The following PRDM5 variants were observed in gnomAD, a reference collection of about 807,000 sequenced individuals.
PRDM5 encodes PR/SET domain 5, also known as PR domain zinc finger protein 5.
Under a neutral mutation model 81.2 loss-of-function variants are expected in PRDM5, and 56 were observed. The ratio of observed to expected loss-of-function variants is 0.69; its 90% CI spans 0.56 to 0.86. PRDM5 has a LOEUF of 0.86. PRDM5 is among the 40% of genes least tolerant of loss of function. PRDM5 has a pLI of 0.00. For missense variants in PRDM5, 697 were observed against 770.1 expected (o/e 0.91, Z 1.12); for synonymous variants, 267 against 256.4 (o/e 1.04, Z -0.39).
intron 1 of PRDM5, among the ~76,000 whole-genome samples, chr4:120,914,694 C>T (rs1723902478): frequency 6.6e-6 from 1 of 152,116 alleles, no homozygotes; most frequent in Admixed American, 6.5e-5. Flanking sequence ...ATCAAAAAGA[C>T]ACCTGCACAT....
intron 13 of PRDM5, among the ~76,000 whole-genome samples, chr4:120,767,897 C>A (rs1746619475): frequency 6.6e-6 from 1 of 152,250 alleles, no homozygotes; most frequent in South Asian, 2.1e-4. Context: ...AAGGGGAGTT[C>A]CCCTGCACAT....
At chr4:120,817,387 C>T (rs1358022918) in intron 5 of PRDM5, among the ~76,000 whole-genome samples, 1 of 151,926 alleles carries the variant, frequency 6.6e-6, no homozygotes, top group East Asian at 1.9e-4. Flanking sequence ...TTCAATGAAA[C>T]ACAAAAATGT....
At chr4:120,918,859 G>A (rs1724543119) in intron 1 of PRDM5, among the ~76,000 whole-genome samples, 1 of 152,038 alleles carries the variant, frequency 6.6e-6, no homozygotes, top group African/African-American at 2.4e-5. Flanking sequence ...ATTAGATGAT[G>A]TCTGTTAACT....
intron 2 of PRDM5, among the ~76,000 whole-genome samples, chr4:120,897,476 G>A (rs1020195188): frequency 1.3e-5 from 2 of 151,984 alleles, no homozygotes; most frequent in Non-Finnish European, 2.9e-5. Flanking sequence ...GGCTCATACA[G>A]CTTCCTCAAT....
chr4:120,799,558 T>C (rs1217506475), intron 9 of PRDM5, 103 bp downstream of exon 9: 3 of 1,504,488 alleles, frequency 2.0e-6, no homozygotes, highest in Non-Finnish European at 2.7e-6. Flanking sequence ...AAAGCAGAAT[T>C]CATAGCTAAG....
chr4:120,699,161 A>ATTTATAT (rs1560888990), intron 15 of PRDM5, among the ~76,000 whole-genome samples: 1 of 73,446 alleles, frequency 1.4e-5, no homozygotes, highest in Non-Finnish European at 2.9e-5. Flanking sequence ...AGGAAATATA[A>ATTTATAT]ATATATATAT....
Position 120,816,908 on chromosome 4 carries a change from C to A in PRDM5, c.667G>T (p.Ala223Ser), listed in dbSNP as rs1754595420. Reference sequence around the variant, plus strand: ...GAAGACTCCTTTAGACTGCTTTTCGCTGTGCACTGAAGAACACTAAAGGGA... The same window carrying A: ...GAAGACTCCTTTAGACTGCTTTTCGATGTGCACTGAAGAACACTAAAGGGA... ...ALQRHVLQCT[A>S]KSSLKESSRS... The change falls in exon 6 of 16, where the codon GCG (alanine) becomes TCG (serine). Residue 223 changes from alanine (A) to serine (S), a missense_variant. This residue lies in a region of PRDM5 where 577 missense variants were observed against 606.7 expected (regional missense o/e 0.95). Transcript: ENST00000264808. The A allele has an allele frequency of 1.2e-6, 2 of 1,612,846 alleles. No individual in the cohort carries two copies. Among genetic ancestry groups the A allele is most frequent in the Non-Finnish European group, 1.7e-6 (2 of 1,178,976 alleles).
chr4:120,736,107 G>A (rs961377238), intron 14 of PRDM5, among the ~76,000 whole-genome samples: 1 of 151,710 alleles, frequency 6.6e-6, no homozygotes, highest in African/African-American at 2.4e-5. Context: ...TTCTGTGTCT[G>A]GCTTGTTCCA....
chr4:120,697,848 C>A, intron 15 of PRDM5, among the ~76,000 whole-genome samples: 1 of 150,702 alleles, frequency 6.6e-6, no homozygotes, highest in African/African-American at 2.4e-5. Context: ...TACTTAAAGG[C>A]AAGAAGAAAC....
chr4:120,742,305 T>C (rs1278129928), intron 14 of PRDM5, among the ~76,000 whole-genome samples: 3 of 151,902 alleles, frequency 2.0e-5, no homozygotes, highest in East Asian at 3.9e-4. Flanking sequence ...AGACCAAAGG[T>C]AGATAAAACC....
At chr4:120,912,619 A>C (rs565117638) in intron 1 of PRDM5, among the ~76,000 whole-genome samples, 1 of 152,308 alleles carries the variant, frequency 6.6e-6, no homozygotes, top group Non-Finnish European at 1.5e-5. Context: ...AATTGGAGTA[A>C]TTTAAATATG....
chr4:120,710,213 A>T, intron 15 of PRDM5, 96 bp downstream of exon 15: 1 of 1,030,178 alleles, frequency 9.7e-7, no homozygotes, highest in Non-Finnish European at 1.5e-6. Flanking sequence ...TGCAACACAC[A>T]CACACAGACA....
chr4:120,843,229 G>T (rs763596618), intron 3 of PRDM5, among the ~76,000 whole-genome samples: 4 of 152,150 alleles, frequency 2.6e-5, no homozygotes, highest in Non-Finnish European at 5.9e-5. Flanking sequence ...AGCTACTCGG[G>T]AGGCTGAGGC....
chr4:120,842,689 TTTAAA>T (rs1047411107), intron 3 of PRDM5, among the ~76,000 whole-genome samples: 19 of 152,352 alleles, frequency 1.2e-4, no homozygotes, highest in Admixed American at 9.1e-4. Context: ...TTTTAAAATT[TTTAAA>T]TTAAACACTA....
intron 3 of PRDM5, among the ~76,000 whole-genome samples, chr4:120,825,810 T>C (rs919243870): frequency 2.0e-5 from 3 of 152,136 alleles, no homozygotes; most frequent in Non-Finnish European, 2.9e-5. Flanking sequence ...TGTTAACATG[T>C]TAAAGTGTTG....
chr4:120,763,142 T>C (rs1456801478), intron 13 of PRDM5, among the ~76,000 whole-genome samples: 1 of 152,058 alleles, frequency 6.6e-6, no homozygotes, highest in Non-Finnish European at 1.5e-5. Flanking sequence ...TCTGAAGAGA[T>C]GCCAACTCAA....
chr4:120,789,126 C>T (rs72921545), intron 10 of PRDM5, among the ~76,000 whole-genome samples: 2,519 of 152,270 alleles, frequency 0.017, 68 homozygotes, highest in African/African-American at 0.057. Flanking sequence ...TCACTGATGA[C>T]ACTAACATCT....
chr4:120,704,825 A>G (rs886687506), intron 15 of PRDM5, among the ~76,000 whole-genome samples: 9 of 152,162 alleles, frequency 5.9e-5, no homozygotes, highest in African/African-American at 1.9e-4. Flanking sequence ...AAGCGGGGGA[A>G]TGATATGACA....
At chr4:120,893,474 C>T (rs1221464784) in intron 2 of PRDM5, among the ~76,000 whole-genome samples, 1 of 152,194 alleles carries the variant, frequency 6.6e-6, no homozygotes, top group Non-Finnish European at 1.5e-5. Context: ...AAGACTGCAT[C>T]TTTTGATGCA....
Sources: allele counts gnomAD v4.1 joint callset (sites outside exome capture counted in the v4.1 genomes callset), GRCh38; gene constraint gnomAD v4.1.1; regional missense constraint gnomAD v4.1.1; transcripts MANE v1.5; gene names NCBI Gene and HGNC (gene_info 2026-07-23, HGNC 2026-07-21).